Variants in PTPRD observed in about 807,000 individuals in gnomAD.
PTPRD encodes the protein protein tyrosine phosphatase receptor type D.
In PTPRD, 34 loss-of-function variants were observed where a neutral mutation model predicts 214.5. The observed-to-expected ratio is 0.16, with a 90% CI of 0.12 to 0.21. PTPRD has a LOEUF of 0.21. Among genes scored for constraint, PTPRD ranks in the 10% least tolerant of loss-of-function variants. PTPRD has a pLI of 1.00. For missense variants in PTPRD, 2,545 were observed against 2,398.7 expected, an observed-to-expected ratio of 1.06 and a Z score of -1.27; for synonymous variants, 1,128 against 845.7, an observed-to-expected ratio of 1.33 and a Z score of -5.79.
chr9:8,809,899 G>A (rs918734773), intron 11 of PTPRD, among the ~76,000 whole-genome samples: 5 of 152,102 alleles, frequency 3.3e-5, no homozygotes, highest in Non-Finnish European at 5.9e-5. Context: ...ACCTAAAAGG[G>A]AGCTTCCATC....
chr9:10,251,590 C>G lies in PTPRD; in HGVS notation c.-545+89373G>C, dbSNP rs140560214. Among the ~76,000 whole-genome samples the G allele has an allele frequency of 3.6e-3, 545 of 152,222 alleles. 2 individuals carry two copies. Among genetic ancestry groups the G allele is most frequent in the African/African-American group, 0.012 (487 of 41,562 alleles). ...GCTTGTGTAATGTGAATGACAGTAC[C>G]TGTATAATAAATCACACAGAACATC... is the stretch of plus-strand genomic sequence containing the variant. On this transcript the variant is annotated intron_variant, in intron 3 of 45. Coordinates refer to ENST00000381196, the MANE Select transcript of PTPRD (RefSeq NM_002839.4).
intron 8 of PTPRD, among the ~76,000 whole-genome samples, chr9:9,497,511 C>G (rs1364294644): frequency 6.6e-6 from 1 of 152,068 alleles, no homozygotes; most frequent in African/African-American, 2.4e-5. Flanking sequence ...CGCATTCACT[C>G]AAACTAAGTT....
intron 10 of PTPRD, among the ~76,000 whole-genome samples, chr9:9,097,069 T>G (rs2154435515): frequency 6.6e-6 from 1 of 152,310 alleles, no homozygotes; most frequent in Admixed American, 6.5e-5. Flanking sequence ...CACTCTTCTC[T>G]TGAAACATCA....
chr9:10,136,185 A>C lies in PTPRD; in HGVS notation c.-544-102395T>G, dbSNP rs143897780. Among the ~76,000 whole-genome samples the C allele has an allele frequency of 2.0e-4, 31 of 152,146 alleles. No individual in the cohort carries two copies. The East Asian group carries it at 5.8e-3, about 28-fold the overall frequency. ...ATATTCAATTCAACAAGAACACCTA[A>C]TTATCCTAAATACATATGCAATGCA... On this transcript the variant is annotated intron_variant, in intron 3 of 45. Transcript: ENST00000381196.
chr9:8,729,153 A>T (rs1598177381), intron 12 of PTPRD, among the ~76,000 whole-genome samples: 1 of 152,250 alleles, frequency 6.6e-6, no homozygotes, highest in Non-Finnish European at 1.5e-5. Context: ...CTGCTCAATA[A>T]AATGTATGTA....
chr9:9,949,825 G>C (rs2093256646), intron 4 of PTPRD, among the ~76,000 whole-genome samples: 1 of 152,146 alleles, frequency 6.6e-6, no homozygotes, highest in South Asian at 2.1e-4. Flanking sequence ...ACTCTGAAGA[G>C]CAAGTAGAGA....
chr9:10,060,915 T>C (rs868056252), intron 3 of PTPRD, among the ~76,000 whole-genome samples: 2 of 105,446 alleles, frequency 1.9e-5, no homozygotes, highest in African/African-American at 2.4e-4. Context: ...TTTCTTTCTT[T>C]CTTTCTTTCT....
chr9:10,209,078 G>C (rs1459331830), intron 3 of PTPRD, among the ~76,000 whole-genome samples: 1 of 152,152 alleles, frequency 6.6e-6, no homozygotes, highest in African/African-American at 2.4e-5. Context: ...GAATGCTGCA[G>C]TTCGTGATTT....
chr9:8,871,943 C>T (rs1330372227), intron 11 of PTPRD, among the ~76,000 whole-genome samples: 2 of 152,096 alleles, frequency 1.3e-5, no homozygotes, highest in Non-Finnish European at 2.9e-5. Context: ...TACTGGGGCA[C>T]CACTGAGAAG....
intron 30 of PTPRD, among the ~76,000 whole-genome samples, chr9:8,479,464 T>C (rs541812371): frequency 6.6e-6 from 1 of 152,370 alleles, no homozygotes; most frequent in East Asian, 1.9e-4. Flanking sequence ...ATTTCTGTGA[T>C]GTCAAAGTTT....
Position 8,359,088 on chromosome 9 carries a change from A to G in PTPRD, c.4661+16848T>C, listed in dbSNP as rs368581387. ...GCACCACTGCACTCCCACCTGGGCC[A>G]CAGAGCGAGACTCCGTCTCAAAAAA... On this transcript the variant is annotated intron_variant, in intron 39 of 45. Coordinates refer to ENST00000381196, the MANE Select transcript of PTPRD (RefSeq NM_002839.4). Among the ~76,000 whole-genome samples the G allele has an allele frequency of 1.7e-4, 18 of 107,652 alleles. No individual in the cohort carries two copies. The South Asian group carries it at 6.8e-3, about 41-fold the overall frequency. The allele number at this position is 107,652 out of a possible 152,430, so 70.6% of individuals were successfully genotyped here. A position where few individuals can be genotyped will look rare whatever the true frequency, so the allele number is the denominator to read the frequency against.
intron 4 of PTPRD, among the ~76,000 whole-genome samples, chr9:9,939,333 C>T (rs1242818908): frequency 6.6e-6 from 1 of 152,138 alleles, no homozygotes; most frequent in Non-Finnish European, 1.5e-5. Flanking sequence ...GTTTGGTAGA[C>T]AACTGGGTGG....
chr9:9,815,884 G>A (rs936351370), intron 5 of PTPRD, among the ~76,000 whole-genome samples: 1 of 152,128 alleles, frequency 6.6e-6, no homozygotes, highest in African/African-American at 2.4e-5. Context: ...TTCTAAGAAA[G>A]ATGCTAAGTC....
At chr9:9,057,201 C>T (rs2099697931) in intron 10 of PTPRD, among the ~76,000 whole-genome samples, 1 of 152,116 alleles carries the variant, frequency 6.6e-6, no homozygotes, top group African/African-American at 2.4e-5. Flanking sequence ...CTCAGTAAAT[C>T]AATGAACAAG....
intron 9 of PTPRD, among the ~76,000 whole-genome samples, chr9:9,312,432 A>T (rs973592071): frequency 2.6e-5 from 4 of 152,142 alleles, no homozygotes; most frequent in African/African-American, 9.7e-5. Flanking sequence ...GTTCAACATC[A>T]TCTTCTTTTA....
intron 5 of PTPRD, among the ~76,000 whole-genome samples, chr9:9,791,986 C>G (rs1319632540): frequency 6.6e-6 from 1 of 152,004 alleles, no homozygotes; most frequent in Non-Finnish European, 1.5e-5. Flanking sequence ...ATCTAGAGTT[C>G]TGTTGTCCTG....
rs187342830 is a variant in PTPRD at position 9,078,852 on chromosome 9, T to C, written c.-142-60117A>G. 4.4e-3 allele frequency among the ~76,000 whole-genome samples: 667 copies of C among 152,208 alleles called. 15 individuals carry two copies. Among genetic ancestry groups the C allele is most frequent in the Admixed American group, 0.038 (575 of 15,256 alleles). The stretch of plus-strand genomic sequence containing the variant: ...TTATTTGTAATTGAAAAATAATAAC[T>C]GTACATATTTATAAAGTACAATAGT... On this transcript the variant is annotated intron_variant, in intron 10 of 45. Coordinates refer to ENST00000381196, the MANE Select transcript of PTPRD (RefSeq NM_002839.4).
intron 10 of PTPRD, among the ~76,000 whole-genome samples, chr9:9,028,150 C>T (rs2099593390): frequency 6.6e-6 from 1 of 151,918 alleles, no homozygotes; most frequent in Admixed American, 6.6e-5. Context: ...TGTTGGTTAT[C>T]CCTTATCAAA....
intron 5 of PTPRD, among the ~76,000 whole-genome samples, chr9:9,786,190 T>C (rs2098922210): frequency 6.6e-6 from 1 of 152,186 alleles, no homozygotes; most frequent in Non-Finnish European, 1.5e-5. Flanking sequence ...TTGCCATTAT[T>C]TGCCATGCAC....
Sources: gnomAD v4.1 joint callset for allele counts (sites outside exome capture counted in the v4.1 genomes callset) on GRCh38, gnomAD v4.1.1 for gene constraint, MANE v1.5 for transcripts, NCBI Gene and HGNC (gene_info 2026-07-23, HGNC 2026-07-21) for gene names.